The following BIRC6 variants were observed in gnomAD, a reference collection of about 807,000 sequenced individuals.
The protein encoded by BIRC6 is baculoviral IAP repeat containing 6.
In BIRC6, 98 loss-of-function variants were observed where a neutral mutation model predicts 503.3. That is an observed-to-expected ratio of 0.19 (90% CI 0.17 to 0.23). BIRC6 has a LOEUF of 0.23. Among genes scored for constraint, BIRC6 ranks in the 10% least tolerant of loss-of-function variants. The probability of loss-of-function intolerance (pLI) is 1.00; values close to 1 mark genes in which losing one functional copy is unlikely to be tolerated. For missense variants in BIRC6, 5,360 were observed against 5,806.0 expected, an observed-to-expected ratio of 0.92 and a Z score of 2.50; for synonymous variants, 2,240 against 2,078.7, an observed-to-expected ratio of 1.08 and a Z score of -2.11.
At chr2:32,594,998 T>C (rs936900299) in intron 67 of BIRC6, 36 bp from the exon 68 acceptor site, 12 of 1,223,208 alleles carry the variant, frequency 9.8e-6, no homozygotes, top group Non-Finnish European at 1.2e-5. Flanking sequence ...ATACTTAAAA[T>C]GTATATGTTA....
chr2:32,365,983 C>T (rs139518797), intron 1 of BIRC6, among the ~76,000 whole-genome samples: 12 of 152,164 alleles, frequency 7.9e-5, no homozygotes, highest in African/African-American at 2.9e-4. Context: ...CTCCTGGGTT[C>T]AAGCGATTCT....
chr2:32,410,852 C>T (rs1339136771), intron 9 of BIRC6, among the ~76,000 whole-genome samples: 1 of 151,988 alleles, frequency 6.6e-6, no homozygotes, highest in Non-Finnish European at 1.5e-5. Context: ...CGGTGCCCGC[C>T]AGCACGCCCG....
chr2:32,531,129 A>G (rs2056715836), intron 60 of BIRC6, among the ~76,000 whole-genome samples: 1 of 152,200 alleles, frequency 6.6e-6, no homozygotes. Flanking sequence ...CAATACTACT[A>G]GTCCATGAAC....
chr2:32,370,929 A>G (rs2035844675), intron 1 of BIRC6, among the ~76,000 whole-genome samples: 1 of 152,154 alleles, frequency 6.6e-6, no homozygotes, highest in South Asian at 2.1e-4. Context: ...ACATTTTTGC[A>G]AGTTTTTTAG....
At chr2:32,374,973 G>A (rs1455119758) in intron 1 of BIRC6, among the ~76,000 whole-genome samples, 1 of 152,114 alleles carries the variant, frequency 6.6e-6, no homozygotes, top group Non-Finnish European at 1.5e-5. Flanking sequence ...GTTTTTACCA[G>A]ATTGACTTGT....
At chr2:32,397,108 A>G (rs773235050) in intron 6 of BIRC6, among the ~76,000 whole-genome samples, 10 of 152,036 alleles carry the variant, frequency 6.6e-5, no homozygotes, top group African/African-American at 1.7e-4. Flanking sequence ...TCTCTCTCCA[A>G]ATATCTTACT....
chr2:32,505,784 A>G (rs1326361826), intron 50 of BIRC6, among the ~76,000 whole-genome samples: 1 of 152,228 alleles, frequency 6.6e-6, no homozygotes. Flanking sequence ...AATTCAAAAT[A>G]ATTTTTACAA....
rs143946812 is a variant in BIRC6 at position 32,611,687 on chromosome 2, C to G, written c.14394+105C>G. On this transcript the variant is annotated intron_variant, in intron 73 of 73. Coordinates refer to ENST00000421745, the MANE Select transcript of BIRC6 (RefSeq NM_016252.4). ...AATGGGAGGGAGGGAATTAAAGAAA[C>G]ATAATATGTATTTTCAGTTCAGAGG... 1.6e-4 allele frequency: 181 copies of G among 1,131,434 alleles called. No individual in the cohort carries two copies. In the East Asian group the frequency reaches 4.9e-3, roughly 31 times the overall value. The allele number at this position is 1,131,434 out of a possible 1,614,324, so 70.1% of individuals were successfully genotyped here.
intron 61 of BIRC6, among the ~76,000 whole-genome samples, chr2:32,537,662 A>G (rs1009895994): frequency 6.6e-6 from 1 of 152,174 alleles, no homozygotes; most frequent in African/African-American, 2.4e-5. Context: ...TCTAGGCAAA[A>G]TATATTTTAA....
At chr2:32,552,435 A>T (rs1390341055) in intron 65 of BIRC6, among the ~76,000 whole-genome samples, 1 of 152,230 alleles carries the variant, frequency 6.6e-6, no homozygotes, top group Admixed American at 6.5e-5. Context: ...ATAAGGATCA[A>T]CAATAATTGC....
At position 32,464,884 on chromosome 2, in the gene BIRC6, T is replaced by G. The variant is rs956822430; in HGVS notation, c.5256+61T>G. On this transcript the variant is annotated intron_variant, in intron 25 of 73. Coordinates refer to ENST00000421745, the MANE Select transcript of BIRC6 (RefSeq NM_016252.4). Reference sequence around the variant, plus strand: ...TTTAAAAATATCTTGAAATATACTCTAACTTTAGAAGGCAAAATTTTTAAT... The same window carrying G: ...TTTAAAAATATCTTGAAATATACTCGAACTTTAGAAGGCAAAATTTTTAAT... 7 of 1,528,382 alleles carry G rather than the reference T, an allele frequency of 4.6e-6. No individual in the cohort carries two copies. In the African/African-American group the frequency reaches 8.3e-5, roughly 18 times the overall value. 94.7% of individuals were successfully genotyped at this position (1,528,382 alleles called of 1,614,324 possible). A position where few individuals can be genotyped will look rare whatever the true frequency, so the allele number is the denominator to read the frequency against.
rs1407258691 is a variant in BIRC6 at position 32,578,979 on chromosome 2, A to AATAT, written c.13355+3621_13355+3624dup. On this transcript the variant is annotated intron_variant, in intron 66 of 73. Coordinates refer to ENST00000421745, the MANE Select transcript of BIRC6 (RefSeq NM_016252.4). ...GTTTACTACTTATTTTTATATACCT[A>AATAT]ATATATATATACACTTAATATATAT... is the stretch of plus-strand genomic sequence containing the variant. 2.6e-4 allele frequency among the ~76,000 whole-genome samples: 19 copies of AATAT among 74,316 alleles called. 2 individuals carry two copies. The highest frequency in any genetic ancestry group is 7.9e-4 in the African/African-American group (13 of 16,556). 48.8% of individuals were successfully genotyped at this position (74,316 alleles called of 152,430 possible). A position where few individuals can be genotyped will look rare whatever the true frequency, so the allele number is the denominator to read the frequency against.
intron 65 of BIRC6, among the ~76,000 whole-genome samples, chr2:32,552,107 A>G (rs920962772): frequency 2.0e-5 from 3 of 152,198 alleles, no homozygotes; most frequent in Admixed American, 1.3e-4. Context: ...ACACTAGTTT[A>G]TGCCTTCCTT....
chr2:32,556,277 T>C (rs1230199945), intron 65 of BIRC6, among the ~76,000 whole-genome samples: 1 of 152,224 alleles, frequency 6.6e-6, no homozygotes, highest in Non-Finnish European at 1.5e-5. Flanking sequence ...ACAGGTTGCT[T>C]AAATTAAAAT....
At chr2:32,436,601 A>T (rs2044733240) in intron 15 of BIRC6, among the ~76,000 whole-genome samples, 1 of 152,016 alleles carries the variant, frequency 6.6e-6, no homozygotes, top group Admixed American at 6.5e-5. Context: ...TGTTTTTTTG[A>T]GACAGTCTCA....
At chr2:32,585,808 T>A (rs971856091) in intron 66 of BIRC6, among the ~76,000 whole-genome samples, 8 of 152,226 alleles carry the variant, frequency 5.3e-5, no homozygotes, top group African/African-American at 1.9e-4. Flanking sequence ...TATAGTTATA[T>A]AAGAATATAA....
intron 1 of BIRC6, among the ~76,000 whole-genome samples, chr2:32,359,355 TG>T (rs2033685737): frequency 6.6e-6 from 1 of 152,208 alleles, no homozygotes; most frequent in South Asian, 2.1e-4. Flanking sequence ...AGAATAATAA[TG>T]TGTGTCAGGA....
chr2:32,473,162 A>G lies in BIRC6; in HGVS notation c.6643A>G (p.Arg2215Gly), dbSNP rs1457901487. The G allele has an allele frequency of 1.3e-6, 2 of 1,578,518 alleles. No homozygotes were observed. The change falls in exon 33 of 74, where the codon AGA (arginine) becomes GGA (glycine). Residue 2215 changes from arginine to glycine, a missense_variant. Around this residue, in one of 16 missense-constraint regions of BIRC6, gnomAD observed 2,299 missense variants for 2,267.2 expected, o/e 1.01. Coordinates refer to ENST00000421745, the MANE Select transcript of BIRC6 (RefSeq NM_016252.4). ...TAATCTACACACTCAGAGCTTAAATAGATCTTCTAAAGGCAGCAGTAGCCT... is the reference window on the plus strand; with the variant it reads ...TAATCTACACACTCAGAGCTTAAATGGATCTTCTAAAGGCAGCAGTAGCCT... ...NNNLHTQSLN[R>G]SSKGSSSLDR...
intron 23 of BIRC6, among the ~76,000 whole-genome samples, chr2:32,455,321 A>G (rs1163959693): frequency 6.7e-6 from 1 of 149,026 alleles, no homozygotes; most frequent in Non-Finnish European, 1.5e-5. Flanking sequence ...TGGAGCTTGC[A>G]GTGAGCTGAG....
Sources: allele counts gnomAD v4.1 joint callset (sites outside exome capture counted in the v4.1 genomes callset), GRCh38; gene constraint gnomAD v4.1.1; regional missense constraint gnomAD v4.1.1; transcripts MANE v1.5; gene names NCBI Gene and HGNC (gene_info 2026-07-23, HGNC 2026-07-21).